Variants in ATP6V1G1 observed in about 807,000 individuals in gnomAD.
ATP6V1G1 encodes V-type proton ATPase subunit G 1.
A neutral mutation model predicts 14.2 loss-of-function variants in ATP6V1G1; 14 were observed. The ratio of observed to expected loss-of-function variants is 0.99; its 90% CI spans 0.65 to 1.55. ATP6V1G1 has a LOEUF of 1.55. Ranked by LOEUF, ATP6V1G1 falls within the 40% of genes most tolerant of loss-of-function variation. The pLI is 0.00. For missense variants in ATP6V1G1, 137 were observed against 146.4 expected (o/e 0.94, Z 0.33); for synonymous variants, 65 against 53.3 (o/e 1.22, Z -0.96).
chr9:114,588,459 C>G (rs989375736), intron 1 of ATP6V1G1, among the ~76,000 whole-genome samples: 2 of 151,362 alleles, frequency 1.3e-5, no homozygotes, highest in African/African-American at 4.9e-5. Context: ...GTGTGTGTTT[C>G]TGATATGTGG....
intron 2 of ATP6V1G1, among the ~76,000 whole-genome samples, chr9:114,594,261 G>T (rs1845212337): frequency 6.6e-6 from 1 of 152,002 alleles, no homozygotes; most frequent in Non-Finnish European, 1.5e-5. Flanking sequence ...TAGAGATGGG[G>T]TTTCTCCTTG....
chr9:114,597,441 C>A, intron 2 of ATP6V1G1, 129 bp from the exon 3 acceptor site: 2 of 916,666 alleles, frequency 2.2e-6, no homozygotes, highest in Non-Finnish European at 1.5e-6. Context: ...GGTCATATTG[C>A]CAGCTTCTGA....
At chr9:114,589,917 GC>G (rs1200342774) in intron 1 of ATP6V1G1, among the ~76,000 whole-genome samples, 2 of 152,128 alleles carry the variant, frequency 1.3e-5, no homozygotes, top group African/African-American at 4.8e-5. Flanking sequence ...TATTAATTTG[GC>G]TGGGCGTGGT....
Position 114,592,646 on chromosome 9 carries a change from A to AGCT in ATP6V1G1, c.180_182dup (p.Ala62dup). ...GGGAGAAAGAATTCAAGGCCAAGGAAGCTGCGGTGGGGCACCATTTGTTTT... is the reference window on the plus strand; with the variant it reads ...GGGAGAAAGAATTCAAGGCCAAGGAAGCTGCTGCGGTGGGGCACCATTTGTTTT... On this transcript the variant is annotated inframe_insertion, in exon 2 of 3. Coordinates refer to ENST00000374050, the MANE Select transcript of ATP6V1G1 (RefSeq NM_004888.4). 6.4e-7 allele frequency: 1 copy of AGCT among 1,573,746 alleles called. No individual in the cohort carries two copies. Among genetic ancestry groups the AGCT allele is most frequent in the Non-Finnish European group, 8.6e-7 (1 of 1,158,414 alleles).
At chr9:114,594,529 G>GT (rs1365785807) in intron 2 of ATP6V1G1, among the ~76,000 whole-genome samples, 1 of 151,764 alleles carries the variant, frequency 6.6e-6, no homozygotes, top group Non-Finnish European at 1.5e-5. Flanking sequence ...GACTGCAGGT[G>GT]TGCGCCACCA....
At chr9:114,591,593 C>G (rs1195637107) in intron 1 of ATP6V1G1, among the ~76,000 whole-genome samples, 1 of 152,142 alleles carries the variant, frequency 6.6e-6, no homozygotes, top group East Asian at 1.9e-4. Context: ...TTCAGACTAG[C>G]ATCAGGGAAT....
intron 1 of ATP6V1G1, among the ~76,000 whole-genome samples, chr9:114,590,838 C>T (rs1216405395): frequency 6.6e-6 from 1 of 152,092 alleles, no homozygotes; most frequent in East Asian, 1.9e-4. Context: ...CTGTCGCCCC[C>T]AGGCAGGAGG....
chr9:114,587,933 G>A lies in ATP6V1G1; in HGVS notation c.82+13G>A, dbSNP rs1402266106. 1.3e-6 allele frequency: 2 copies of A among 1,564,114 alleles called. No individual in the cohort carries two copies. The highest frequency in any genetic ancestry group is 1.7e-6 in the Non-Finnish European group (2 of 1,154,128). On this transcript the variant is annotated intron_variant, in intron 1 of 2. Coordinates refer to ENST00000374050, the MANE Select transcript of ATP6V1G1 (RefSeq NM_004888.4). ...GAGGCCCGCAAAAGTGAGTTTCAGGGTGGGGCTGCCCGGCGTGGCGCGAGT... is the reference window on the plus strand; with the variant it reads ...GAGGCCCGCAAAAGTGAGTTTCAGGATGGGGCTGCCCGGCGTGGCGCGAGT...
At chr9:114,593,873 T>A (rs116214360) in intron 2 of ATP6V1G1, among the ~76,000 whole-genome samples, 3 of 152,016 alleles carry the variant, frequency 2.0e-5, no homozygotes, top group Admixed American at 6.6e-5. Context: ...GGAGGATTGC[T>A]TGAAGCCACA....
chr9:114,597,434 C>A, intron 2 of ATP6V1G1, 136 bp from the exon 3 acceptor site: 1 of 796,446 alleles, frequency 1.3e-6, no homozygotes, highest in Non-Finnish European at 1.8e-6. Flanking sequence ...GCCATGAGGT[C>A]ATATTGCCAG....
At chr9:114,593,683 G>T (rs1281551919) in intron 2 of ATP6V1G1, among the ~76,000 whole-genome samples, 1 of 151,728 alleles carries the variant, frequency 6.6e-6, no homozygotes, top group Non-Finnish European at 1.5e-5. Context: ...TGTTTTTGTA[G>T]AGATAGGGTC....
rs531353559 is a variant in ATP6V1G1 at position 114,597,480 on chromosome 9, C to G, written c.184-90C>G. On this transcript the variant is annotated intron_variant, in intron 2 of 2. Coordinates refer to ENST00000374050, the MANE Select transcript of ATP6V1G1 (RefSeq NM_004888.4). ...TACTGATAGGTGAGCCTGGGTTTCT[C>G]CAAAAGTCAACAAGTAGCTTACGAA... is the stretch of plus-strand genomic sequence containing the variant. The G allele has an allele frequency of 6.7e-6, 9 of 1,349,398 alleles. No individual in the cohort carries two copies. The African/African-American group carries it at 1.3e-4, about 20-fold the overall frequency. 83.6% of individuals were successfully genotyped at this position (1,349,398 alleles called of 1,614,324 possible).
At chr9:114,590,851 A>T (rs1481252685) in intron 1 of ATP6V1G1, among the ~76,000 whole-genome samples, 1 of 152,144 alleles carries the variant, frequency 6.6e-6, no homozygotes, top group African/African-American at 2.4e-5. Flanking sequence ...GCAGGAGGGC[A>T]GTGGCGTGAT....
At chr9:114,591,110 A>T (rs945556336) in intron 1 of ATP6V1G1, among the ~76,000 whole-genome samples, 23 of 152,358 alleles carry the variant, frequency 1.5e-4, no homozygotes, top group African/African-American at 5.3e-4. Context: ...TTAAAATTTT[A>T]AAAAAGTTTG....
chr9:114,597,850 C>A lies in ATP6V1G1; in HGVS notation c.*107C>A. 9.5e-7 allele frequency: 1 copy of A among 1,052,880 alleles called. No homozygotes were observed. The highest frequency in any genetic ancestry group is 1.2e-6 in the Non-Finnish European group (1 of 808,028). 65.2% of individuals were successfully genotyped at this position (1,052,880 alleles called of 1,614,324 possible). The stretch of plus-strand genomic sequence containing the variant: ...TTATGATATGGCATTAAATTATTTC[C>A]ATATATTATATAATAGGTCCTTCCA... On this transcript the variant is annotated 3_prime_UTR_variant, in exon 3 of 3. Coordinates refer to ENST00000374050, the MANE Select transcript of ATP6V1G1 (RefSeq NM_004888.4).
At position 114,598,613 on chromosome 9, in the gene ATP6V1G1, G is replaced by T. The variant is rs994526571; in HGVS notation, c.*870G>T. On this transcript the variant is annotated 3_prime_UTR_variant, in exon 3 of 3. Coordinates refer to ENST00000374050, the MANE Select transcript of ATP6V1G1 (RefSeq NM_004888.4). ...GAAAACAGCAAGCAACTAGTCTGTA[G>T]GTTGTCTTTTCTCTAGAGATCCTTG... 6.6e-6 allele frequency among the ~76,000 whole-genome samples: 1 copy of T among 152,174 alleles called. No homozygotes were observed. The highest frequency in any genetic ancestry group is 2.4e-5 in the African/African-American group (1 of 41,442).
rs746406910 is a variant in ATP6V1G1, at chr9:114,597,622, A to C, written c.236A>C (p.Glu79Ala). The C allele has an allele frequency of 1.0e-5, 16 of 1,583,340 alleles. No individual in the cohort carries two copies. Among genetic ancestry groups the C allele is most frequent in the Non-Finnish European group, 1.3e-5 (15 of 1,166,800 alleles). ...CSTEVEKETQEKMTILQTYFR... is the reference protein window; with the variant it reads ...CSTEVEKETQAKMTILQTYFR... ...ACTGAAGTGGAGAAGGAGACCCAGG[A>C]GAAGATGACCATCCTCCAGACATAC... Residue 79 changes from glutamate (E) to alanine (A), a missense_variant, in exon 3 of 3, where the codon GAG becomes GCG. Coordinates refer to ENST00000374050, the MANE Select transcript of ATP6V1G1 (RefSeq NM_004888.4).
intron 1 of ATP6V1G1, among the ~76,000 whole-genome samples, chr9:114,589,211 G>C (rs756461144): frequency 6.6e-6 from 1 of 152,178 alleles, no homozygotes; most frequent in Non-Finnish European, 1.5e-5. Context: ...TGCCACTGCC[G>C]TGCAATAACC....
intron 1 of ATP6V1G1, among the ~76,000 whole-genome samples, chr9:114,588,772 C>G (rs1305802699): frequency 6.6e-6 from 1 of 152,162 alleles, no homozygotes; most frequent in African/African-American, 2.4e-5. Flanking sequence ...CCATTCTCCT[C>G]TCTGCAATCA....
Sources: gnomAD v4.1 joint callset for allele counts (sites outside exome capture counted in the v4.1 genomes callset) on GRCh38, gnomAD v4.1.1 for gene constraint, MANE v1.5 for transcripts, NCBI Gene and HGNC (gene_info 2026-07-23, HGNC 2026-07-21) for gene names.